TRPM3: variants seen among roughly 807,000 people sequenced by gnomAD.
The protein encoded by TRPM3 is transient receptor potential cation channel subfamily M member 3.
A neutral mutation model predicts 181.2 loss-of-function variants in TRPM3; 77 were observed. That is an observed-to-expected ratio of 0.42 (90% CI 0.35 to 0.51). The LOEUF is 0.51. TRPM3 is among the 20% of genes least tolerant of loss of function. TRPM3 has a pLI of 0.01. For missense variants in TRPM3, 1,759 were observed against 2,196.7 expected (o/e 0.80, Z 3.98); for synonymous variants, 745 against 796.4 (o/e 0.94, Z 1.09).
At chr9:71,301,394 T>C (rs1369080007) in intron 1 of TRPM3, among the ~76,000 whole-genome samples, 2 of 152,186 alleles carry the variant, frequency 1.3e-5, no homozygotes, top group Non-Finnish European at 2.9e-5. Flanking sequence ...TTACTCCTCT[T>C]CTTAATTCCC....
intron 7 of TRPM3, among the ~76,000 whole-genome samples, chr9:70,782,457 C>T (rs2082671551): frequency 6.6e-6 from 1 of 152,122 alleles, no homozygotes; most frequent in Admixed American, 6.6e-5. Flanking sequence ...AGTGATCCAC[C>T]CGCCTTGGCC....
chr9:70,904,948 T>C (rs1251361299), intron 1 of TRPM3, among the ~76,000 whole-genome samples: 5 of 152,354 alleles, frequency 3.3e-5, no homozygotes, highest in African/African-American at 9.6e-5. Flanking sequence ...CCGAGTCTCA[T>C]AACATCTGCT....
At chr9:71,063,425 A>G (rs1473047278) in intron 1 of TRPM3, among the ~76,000 whole-genome samples, 1 of 152,166 alleles carries the variant, frequency 6.6e-6, no homozygotes, top group Non-Finnish European at 1.5e-5. Context: ...TCAGGCCTGG[A>G]TGTGTAATCG....
chr9:70,552,911 T>G lies in TRPM3; in HGVS notation c.3507A>C (p.Ile1169=), dbSNP rs762162452. 10 of 1,614,208 alleles carry G rather than the reference T, an allele frequency of 6.2e-6. No individual in the cohort carries two copies. Among genetic ancestry groups the G allele is most frequent in the Non-Finnish European group, 8.5e-6 (10 of 1,180,032 alleles). ...PLIIFSHMTM[I]FQHLCCRWRK... is the part of the protein sequence containing the mutation. ...TCCATCGGCAGCACAGGTGCTGGAA[T>G]ATCATGGTCATGTGGCTGAAGATGA... Residue 1169 remains isoleucine (I), a synonymous_variant, in exon 24 of 26, where the codon ATA becomes ATC. Transcript: ENST00000677713.
intron 1 of TRPM3, among the ~76,000 whole-genome samples, chr9:71,363,680 C>G (rs1459222806): frequency 6.6e-6 from 1 of 152,166 alleles, no homozygotes; most frequent in East Asian, 1.9e-4. Flanking sequence ...CCCATCAAGT[C>G]TTAGCTTATA....
intron 7 of TRPM3, chr9:70,783,856 C>T: frequency 8.5e-7 from 1 of 1,170,770 alleles, no homozygotes; most frequent in Non-Finnish European, 1.1e-6. Flanking sequence ...AGCCTATGAC[C>T]TCCTCTCTTT....
At chr9:71,309,334 A>G (rs1310025334) in intron 1 of TRPM3, among the ~76,000 whole-genome samples, 1 of 152,192 alleles carries the variant, frequency 6.6e-6, no homozygotes, top group Non-Finnish European at 1.5e-5. Context: ...ATGCAGATAC[A>G]CTCAAACTAA....
At chr9:71,103,053 C>T (rs568722307) in intron 1 of TRPM3, among the ~76,000 whole-genome samples, 18 of 152,016 alleles carry the variant, frequency 1.2e-4, no homozygotes, top group Non-Finnish European at 2.5e-4. Flanking sequence ...AAAGAAGTTG[C>T]TTTTTAGTTT....
chr9:70,899,500 G>A (rs1048745254), intron 1 of TRPM3, among the ~76,000 whole-genome samples: 4 of 152,234 alleles, frequency 2.6e-5, no homozygotes, highest in East Asian at 1.9e-4. Context: ...GTCTCCAAAC[G>A]TTGTGTCATA....
At chr9:70,958,844 C>A (rs993341457) in intron 1 of TRPM3, among the ~76,000 whole-genome samples, 1 of 151,812 alleles carries the variant, frequency 6.6e-6, no homozygotes, top group African/African-American at 2.4e-5. Context: ...ATGATGAGTT[C>A]ATGTCCTTTG....
chr9:70,790,808 C>T (rs746662842), intron 6 of TRPM3, among the ~76,000 whole-genome samples: 5 of 152,052 alleles, frequency 3.3e-5, no homozygotes, highest in Non-Finnish European at 7.4e-5. Flanking sequence ...GTTTAAGGTG[C>T]TTCTTACAAT....
intron 1 of TRPM3, among the ~76,000 whole-genome samples, chr9:71,147,676 T>C (rs1251618317): frequency 6.6e-6 from 1 of 152,166 alleles, no homozygotes; most frequent in African/African-American, 2.4e-5. Flanking sequence ...TTTTGGAATT[T>C]ATCCCATTTC....
intron 1 of TRPM3, among the ~76,000 whole-genome samples, chr9:71,221,414 TAAAAAATAATTTTA>T (rs2080232947): frequency 2.6e-5 from 4 of 152,154 alleles, no homozygotes; most frequent in African/African-American, 9.7e-5. Context: ...AGGAGCCAAA[TAAAAAATAATTTTA>T]ATATTTTAAT....
In TRPM3 at chr9:70,536,584, C is replaced by T. The variant is rs138749288; in HGVS notation, c.4529G>A (p.Arg1510His). 2.4e-5 allele frequency: 38 copies of T among 1,614,094 alleles called. No individual in the cohort carries two copies. Among genetic ancestry groups the T allele is most frequent in the African/African-American group, 8.0e-5 (6 of 75,032 alleles). ...GGCTAGGTAGCGGCTACTTTTGGAA[C>T]GCTCAATGGTGTGGTACATCGGAGG... ...SEPPMYHTIE[R>H]SKSSRYLATT... Residue 1510 changes from arginine (R) to histidine (H), a missense_variant, in exon 26 of 26, where the codon CGT becomes CAT. By Grantham distance (29) the Arg-to-His change is conservative. Transcript: ENST00000677713.
intron 9 of TRPM3, among the ~76,000 whole-genome samples, chr9:70,670,967 C>T (rs920634628): frequency 6.6e-6 from 1 of 152,050 alleles, no homozygotes; most frequent in Non-Finnish European, 1.5e-5. Flanking sequence ...CTAATCTGAG[C>T]CAAAACCTGT....
chr9:70,767,170 C>G (rs141987778), intron 7 of TRPM3, among the ~76,000 whole-genome samples: 80 of 152,276 alleles, frequency 5.3e-4, no homozygotes, highest in Non-Finnish European at 2.2e-4. Flanking sequence ...CTGGTGAGTC[C>G]GGTGGTGTAA....
chr9:71,262,077 G>A (rs1215105403), intron 1 of TRPM3, among the ~76,000 whole-genome samples: 2 of 152,238 alleles, frequency 1.3e-5, no homozygotes, highest in Admixed American at 6.5e-5. Flanking sequence ...AGGCTGGAAC[G>A]TTTAAGTCTG....
chr9:71,434,517 A>C (rs2094004163), intron 1 of TRPM3, among the ~76,000 whole-genome samples: 1 of 152,210 alleles, frequency 6.6e-6, no homozygotes, highest in African/African-American at 2.4e-5. Context: ...AGAGCAGCCT[A>C]AATGGACTAA....
chr9:70,668,758 AT>A (rs1439874212), intron 9 of TRPM3, among the ~76,000 whole-genome samples: 7 of 149,846 alleles, frequency 4.7e-5, no homozygotes, highest in Non-Finnish European at 8.9e-5. Flanking sequence ...TGTTATATCT[AT>A]TTTTTCATGC....
Sources: allele counts gnomAD v4.1 joint callset (sites outside exome capture counted in the v4.1 genomes callset), GRCh38; gene constraint gnomAD v4.1.1; transcripts MANE v1.5; gene names NCBI Gene and HGNC (gene_info 2026-07-23, HGNC 2026-07-21).